COL4A6: variants seen among roughly 807,000 people sequenced by gnomAD.
COL4A6 encodes collagen alpha-6(IV) chain.
Under a neutral mutation model 126.7 loss-of-function variants are expected in COL4A6, and 59 were observed. That is an observed-to-expected ratio of 0.47 (90% CI 0.38 to 0.58). The LOEUF is 0.58. COL4A6 is among the 20% of genes least tolerant of loss of function. The pLI, the probability that COL4A6 is intolerant of heterozygous loss-of-function variation, is 0.00. For missense variants in COL4A6, 1,285 were observed against 1,337.3 expected (o/e 0.96, Z 0.61); for synonymous variants, 547 against 496.6 (o/e 1.10, Z -1.35).
intron 2 of COL4A6, among the ~76,000 whole-genome samples, chrX:108,403,062 T>C (rs1271297847): frequency 9.0e-6 from 1 of 111,330 alleles, no homozygotes; most frequent in African/African-American, 3.3e-5. Context: ...GATAGCAGAT[T>C]TGTTATTTTC....
intron 23 of COL4A6, among the ~76,000 whole-genome samples, chrX:108,184,834 G>A (rs949367785): frequency 2.7e-5 from 3 of 112,409 alleles, no homozygotes; most frequent in Non-Finnish European, 5.6e-5. Flanking sequence ...GGTCCTGCAA[G>A]CTTCCTTCTG....
chrX:108,231,155 G>C (rs1366509749), intron 3 of COL4A6, among the ~76,000 whole-genome samples: 2 of 111,651 alleles, frequency 1.8e-5, no homozygotes, highest in Non-Finnish European at 3.8e-5. Context: ...CAATTTTCAG[G>C]TCTGCCACAG....
chrX:108,289,242 A>T (rs1266826623), intron 3 of COL4A6, among the ~76,000 whole-genome samples: 1 of 91,331 alleles, frequency 1.1e-5, no homozygotes, highest in South Asian at 6.1e-4. Context: ...CAATGAGTAT[A>T]GTGTGTGTGT....
chrX:108,166,775 C>A (rs749958305), intron 37 of COL4A6, among the ~76,000 whole-genome samples: 2 of 111,632 alleles, frequency 1.8e-5, no homozygotes, highest in African/African-American at 6.5e-5. Flanking sequence ...GTTTGGTGAA[C>A]CTTTGAAATA....
chrX:108,216,580 C>T (rs760353584), intron 5 of COL4A6, among the ~76,000 whole-genome samples: 3 of 112,767 alleles, frequency 2.7e-5, no homozygotes, highest in East Asian at 5.6e-4. Flanking sequence ...TCTCAGTTCT[C>T]AGAACCACAG....
chrX:108,391,772 CG>C (rs1641754029), intron 2 of COL4A6, among the ~76,000 whole-genome samples: 2 of 112,397 alleles, frequency 1.8e-5, no homozygotes, highest in African/African-American at 6.5e-5. Context: ...GGAAATCCCC[CG>C]ACCCCTTGTG....
intron 19 of COL4A6, 76 bp from the exon 20 acceptor site, chrX:108,190,572 A>C: frequency 1.3e-5 from 8 of 602,623 alleles, no homozygotes; most frequent in Non-Finnish European, 2.1e-5. Flanking sequence ...ACAGCAGCTC[A>C]ATCACCAAGG....
intron 7 of COL4A6, among the ~76,000 whole-genome samples, chrX:108,211,349 T>C (rs2035695435): frequency 8.9e-6 from 1 of 112,635 alleles, no homozygotes; most frequent in Non-Finnish European, 1.9e-5. Flanking sequence ...ACAAGGATTC[T>C]GGAGTAGATA....
intron 11 of COL4A6, 130 bp downstream of exon 11, chrX:108,205,309 G>A: frequency 1.3e-5 from 7 of 558,636 alleles, no homozygotes; most frequent in Non-Finnish European, 2.2e-5. Flanking sequence ...GAGGATCTAT[G>A]TGGGTTGGGA....
Position 108,393,495 on chromosome X carries a change from G to A in COL4A6, c.63+44447C>T, listed in dbSNP as rs769023547. 4.5e-5 allele frequency among the ~76,000 whole-genome samples: 5 copies of A among 111,989 alleles called. No homozygotes were observed. In the South Asian group the frequency reaches 1.5e-3, roughly 34 times the overall value. On this transcript the variant is annotated intron_variant, in intron 2 of 44. Transcript: ENST00000334504. Reference sequence around the variant, plus strand: ...GGGTTTGGGGAGATAAAGTTATAGAGGGATCATTGCCCACAGCTATGGGAT... The same window carrying A: ...GGGTTTGGGGAGATAAAGTTATAGAAGGATCATTGCCCACAGCTATGGGAT...
rs781477086 is a variant in COL4A6 at position 108,250,205 on chromosome X, GA to G, written c.145-28832del. 3.6e-5 allele frequency among the ~76,000 whole-genome samples: 4 copies of G among 111,016 alleles called. No homozygotes were observed. In the Admixed American group the frequency reaches 3.8e-4, roughly 11 times the overall value. ...CGCTTTAATGTAGCTGTTCTCTATA[GA>G]GTACTGCCTTTTACTTCAAGTCTTT... On this transcript the variant is annotated intron_variant, in intron 3 of 44. Coordinates refer to ENST00000334504, the MANE Select transcript of COL4A6 (RefSeq NM_033641.4).
intron 42 of COL4A6, 80 bp from the exon 43 acceptor site, chrX:108,160,734 C>A: frequency 1.1e-6 from 1 of 911,142 alleles, no homozygotes; most frequent in Non-Finnish European, 1.5e-6. Flanking sequence ...CACACATTGT[C>A]CAAGGCATGT....
At chrX:108,281,376 G>C (rs2037820066) in intron 3 of COL4A6, among the ~76,000 whole-genome samples, 2 of 89,856 alleles carry the variant, frequency 2.2e-5, no homozygotes, top group Non-Finnish European at 4.4e-5. Context: ...GCCAAATCAT[G>C]AGTGAACTCC....
chrX:108,374,673 T>C (rs1037243440), intron 2 of COL4A6, among the ~76,000 whole-genome samples: 1 of 112,096 alleles, frequency 8.9e-6, no homozygotes, highest in Non-Finnish European at 1.9e-5. Flanking sequence ...ACAAGCAATC[T>C]GGCCAAAGAA....
At chrX:108,280,221 G>A (rs2037762562) in intron 3 of COL4A6, among the ~76,000 whole-genome samples, 1 of 111,109 alleles carries the variant, frequency 9.0e-6, no homozygotes, top group South Asian at 3.8e-4. Context: ...TTTTTGAAAG[G>A]ATCAACAAAA....
intron 2 of COL4A6, among the ~76,000 whole-genome samples, chrX:108,372,782 A>G (rs964438338): frequency 1.4e-4 from 16 of 112,468 alleles, no homozygotes; most frequent in Non-Finnish European, 3.0e-4. Flanking sequence ...ATTGAGTGCT[A>G]TGGTAAGCCA....
At chrX:108,348,721 A>G (rs760777631) in intron 2 of COL4A6, among the ~76,000 whole-genome samples, 1 of 112,000 alleles carries the variant, frequency 8.9e-6, no homozygotes, top group Admixed American at 9.5e-5. Flanking sequence ...GAAAAGTTCT[A>G]TAAATAAGTC....
intron 2 of COL4A6, among the ~76,000 whole-genome samples, chrX:108,386,334 C>T (rs1429947333): frequency 8.9e-6 from 1 of 112,016 alleles, no homozygotes; most frequent in Non-Finnish European, 1.9e-5. Context: ...ACACTCCCAC[C>T]AACAGTGTAA....
intron 18 of COL4A6, among the ~76,000 whole-genome samples, chrX:108,192,182 G>A (rs907734041): frequency 1.8e-5 from 2 of 111,900 alleles, no homozygotes; most frequent in African/African-American, 3.3e-5. Flanking sequence ...CACAGCTCCA[G>A]CAACTCAACC....
Sources: gnomAD v4.1 joint callset for allele counts (sites outside exome capture counted in the v4.1 genomes callset) on GRCh38, gnomAD v4.1.1 for gene constraint, MANE v1.5 for transcripts, NCBI Gene and HGNC (gene_info 2026-07-23, HGNC 2026-07-21) for gene names.